The following MSH6 variants were observed in gnomAD, a reference collection of about 807,000 sequenced individuals.
The protein encoded by MSH6 is mutS homolog 6.
Under a neutral mutation model 119.1 loss-of-function variants are expected in MSH6, and 85 were observed. That is an observed-to-expected ratio of 0.71 (90% CI 0.60 to 0.85). The LOEUF is 0.85. MSH6 is among the 40% of genes least tolerant of loss of function. The pLI, the probability that MSH6 is intolerant of heterozygous loss-of-function variation, is 0.00. For missense variants in MSH6, 2,163 were observed against 1,655.3 expected (o/e 1.31, Z -5.32); for synonymous variants, 830 against 586.9 (o/e 1.41, Z -5.99).
chr2:47,784,398 T>A, intron 1 of MSH6: 1 of 264,278 alleles, frequency 3.8e-6, no homozygotes, highest in Non-Finnish European at 5.8e-6. Context: ...CAAAGATGTG[T>A]GGACGTGAGT....
chr2:47,791,374 T>A (rs1394249004), intron 2 of MSH6, among the ~76,000 whole-genome samples: 4 of 152,160 alleles, frequency 2.6e-5, no homozygotes, highest in Non-Finnish European at 5.9e-5. Context: ...ATTATACCCT[T>A]AATAAGGGTA....
intron 1 of MSH6, chr2:47,783,931 T>C: frequency 9.9e-7 from 1 of 1,013,160 alleles, no homozygotes; most frequent in Non-Finnish European, 1.2e-6. Flanking sequence ...GAAGGAGGAA[T>C]GCCTGCGGGA....
At chr2:47,797,503 A>C (rs1187075922) in intron 3 of MSH6, among the ~76,000 whole-genome samples, 1 of 152,242 alleles carries the variant, frequency 6.6e-6, no homozygotes, top group Non-Finnish European at 1.5e-5. Context: ...CAATTGTGGA[A>C]GAGCAAACAC....
chr2:47,808,204 T>C (rs745716152), downstream of MSH6: 1 of 1,613,478 alleles, frequency 6.2e-7, no homozygotes, highest in Non-Finnish European at 8.5e-7. Context: ...CCAGCTAATG[T>C]ACAAGGATTA....
At chr2:47,787,987 C>CA (rs1012273143) in intron 1 of MSH6, among the ~76,000 whole-genome samples, 10 of 151,650 alleles carry the variant, frequency 6.6e-5, no homozygotes, top group African/African-American at 2.4e-4. Flanking sequence ...GGTTTACACA[C>CA]AAAAAAAATT....
chr2:47,784,227 C>T, intron 1 of MSH6: 2 of 1,002,376 alleles, frequency 2.0e-6, no homozygotes, highest in Non-Finnish European at 2.4e-6. Context: ...TGGGATCCGG[C>T]TGGGTCCTTC....
At chr2:47,805,865 A>G (rs574823814) in intron 7 of MSH6, among the ~76,000 whole-genome samples, 158 bp downstream of exon 7, 37 of 145,696 alleles carry the variant, frequency 2.5e-4, no homozygotes, top group African/African-American at 1.0e-3. Context: ...TTGGAGATAA[A>G]AGGTGATATT....
chr2:47,808,121 G>A (rs756515981), downstream of MSH6: 3 of 1,606,306 alleles, frequency 1.9e-6, no homozygotes, highest in Non-Finnish European at 2.5e-6. Flanking sequence ...AAGGAATTCA[G>A]TTGTGCTGCA....
intron 3 of MSH6, chr2:47,797,954 T>C: frequency 4.9e-6 from 1 of 205,222 alleles, no homozygotes; most frequent in Non-Finnish European, 1.0e-5. Flanking sequence ...TTTTAGTCTT[T>C]TAGCCAGAGT....
chr2:47,805,620 G>T lies in MSH6; in HGVS notation c.3559G>T (p.Glu1187Ter). The T allele has an allele frequency of 1.9e-6, 3 of 1,597,242 alleles. No individual in the cohort carries two copies. The highest frequency in any genetic ancestry group is 2.6e-6 in the Non-Finnish European group (3 of 1,166,318). ...TTTGTGATTTTTTTTTTTTTAAGGT[G>T]AAAGTACATTTTTTGTTGAATTAAG... ...LGASDRIMSG[E>*]STFFVELSET... is the part of the protein sequence containing the mutation. Residue 1187 changes from glutamate (E) to a stop codon, truncating the protein, a stop_gained and splice_region_variant, in exon 7 of 10, where the codon GAA (glutamate) becomes TAA (stop). Coordinates refer to ENST00000234420, the MANE Select transcript of MSH6 (RefSeq NM_000179.3). LOFTEE classifies it high-confidence loss of function.
downstream of MSH6, chr2:47,810,019 C>T (rs1018690458): frequency 2.9e-5 from 14 of 488,580 alleles, no homozygotes; most frequent in African/African-American, 1.8e-4. Context: ...GTAAATTCAT[C>T]TGAGGAATTG....
intron 1 of MSH6, among the ~76,000 whole-genome samples, chr2:47,788,934 T>TTTTTTTG (rs1668553555): frequency 1.0e-5 from 1 of 99,650 alleles, no homozygotes; most frequent in Non-Finnish European, 2.0e-5. Flanking sequence ...TTTTTTTTTT[T>TTTTTTTG]TTTTTTTTTT....
Position 47,805,663 on chromosome 2 carries a change from T to A in MSH6, c.3602T>A (p.Leu1201His). 6.2e-7 allele frequency: 1 copy of A among 1,613,634 alleles called. No homozygotes were observed. The highest frequency in any genetic ancestry group is 1.1e-5 in the South Asian group (1 of 91,070). Reference sequence around the variant, plus strand: ...GAATTAAGTGAAACTGCCAGCATACTCATGCATGCAACAGCACATTCTCTG... The same window carrying A: ...GAATTAAGTGAAACTGCCAGCATACACATGCATGCAACAGCACATTCTCTG... ...FVELSETASI[L>H]MHATAHSLVL... Residue 1201 changes from leucine to histidine, a missense_variant, in exon 7 of 10, where the codon CTC becomes CAC. Transcript: ENST00000234420.
chr2:47,808,058 C>CA (rs1572753529), downstream of MSH6: 9 of 1,448,568 alleles, frequency 6.2e-6, no homozygotes, highest in East Asian at 2.0e-4. Context: ...AATCTTCTTC[C>CA]AAAAAAGTGT....
chr2:47,806,919 A>G lies in MSH6; in HGVS notation c.*59A>G, dbSNP rs1391130317. 1.7e-6 allele frequency: 2 copies of G among 1,211,422 alleles called. No homozygotes were observed. The highest frequency in any genetic ancestry group is 1.3e-5 in the South Asian group (1 of 79,748). 75.0% of individuals were successfully genotyped at this position (1,211,422 alleles called of 1,614,324 possible). On this transcript the variant is annotated 3_prime_UTR_variant, in exon 10 of 10. Transcript: ENST00000234420. ...GACAAAGGTGGTAAATTCAGACAAC[A>G]TTATGATCTAATAAACTTTATTTTT...
At chr2:47,791,782 G>A (rs575364717) in intron 2 of MSH6, among the ~76,000 whole-genome samples, 1 of 150,418 alleles carries the variant, frequency 6.6e-6, no homozygotes, top group Non-Finnish European at 1.5e-5. Flanking sequence ...GGGTTCAAGA[G>A]TTTCCTACCT....
intron 1 of MSH6, among the ~76,000 whole-genome samples, chr2:47,787,518 C>G (rs913275720): frequency 1.3e-5 from 2 of 152,112 alleles, no homozygotes; most frequent in African/African-American, 2.4e-5. Context: ...TTTTTCCCCA[C>G]CGTCTTAAAA....
chr2:47,805,173 G>A lies in MSH6; in HGVS notation c.3556+146G>A, dbSNP rs7562048. On this transcript the variant is annotated intron_variant, in intron 6 of 9. Coordinates refer to ENST00000234420, the MANE Select transcript of MSH6 (RefSeq NM_000179.3). ...AACATCACTTTTTAAGAACTGCATAGTCTCTCTCTCTTTTTTTTTTTTTTG... is the reference window on the plus strand; with the variant it reads ...AACATCACTTTTTAAGAACTGCATAATCTCTCTCTCTTTTTTTTTTTTTTG... 0.54 allele frequency: 344,575 copies of A among 636,550 alleles called. 97,273 individuals are homozygous for A. Among genetic ancestry groups the A allele is most frequent in the East Asian group, 0.86 (30,459 of 35,470 alleles). The allele number at this position is 636,550 out of a possible 1,614,324, so 39.4% of individuals were successfully genotyped here.
chr2:47,808,711 G>A, downstream of MSH6: 1 of 342,040 alleles, frequency 2.9e-6, no homozygotes, highest in Non-Finnish European at 5.3e-6. Flanking sequence ...AATTTTTGGA[G>A]GCGTGAAGAG....
Sources: allele counts gnomAD v4.1 joint callset (sites outside exome capture counted in the v4.1 genomes callset), GRCh38; gene constraint gnomAD v4.1.1; transcripts MANE v1.5; gene names NCBI Gene and HGNC (gene_info 2026-07-23, HGNC 2026-07-21).